GRID1: variants seen among roughly 807,000 people sequenced by gnomAD.
GRID1 encodes the protein glutamate ionotropic receptor delta type subunit 1.
Under a neutral mutation model 98.0 loss-of-function variants are expected in GRID1, and 28 were observed. The ratio of observed to expected loss-of-function variants is 0.29; its 90% CI spans 0.21 to 0.39. The LOEUF is 0.39. Ranked by LOEUF, GRID1 falls within the 10% of genes least tolerant of loss-of-function variation. GRID1 has a pLI of 1.00. For synonymous variants in GRID1, 553 were observed against 538.5 expected (o/e 1.03, Z -0.37); for missense variants, 1,111 against 1,340.5 (o/e 0.83, Z 2.67).
intron 8 of GRID1, among the ~76,000 whole-genome samples, chr10:85,802,449 G>T (rs1842585229): frequency 6.6e-6 from 1 of 152,046 alleles, no homozygotes. Context: ...TTTGCCTATA[G>T]AAAACAGGAG....
At chr10:85,830,744 A>G (rs1484857276) in intron 8 of GRID1, among the ~76,000 whole-genome samples, 1 of 152,164 alleles carries the variant, frequency 6.6e-6, no homozygotes, top group Non-Finnish European at 1.5e-5. Flanking sequence ...AAAAAATGCA[A>G]ATCAAAACTA....
intron 4 of GRID1, among the ~76,000 whole-genome samples, chr10:85,988,436 A>C (rs1263314293): frequency 6.6e-6 from 1 of 152,244 alleles, no homozygotes; most frequent in Admixed American, 6.5e-5. Flanking sequence ...AACTACTGGC[A>C]GAGGCTCTGT....
intron 4 of GRID1, among the ~76,000 whole-genome samples, chr10:86,096,792 C>T (rs1356110174): frequency 6.6e-6 from 1 of 152,220 alleles, no homozygotes; most frequent in African/African-American, 2.4e-5. Context: ...CCTTGCAGAG[C>T]TGGGACAACA....
At chr10:86,235,199 C>T (rs1846518601) in intron 2 of GRID1, among the ~76,000 whole-genome samples, 1 of 152,212 alleles carries the variant, frequency 6.6e-6, no homozygotes, top group Admixed American at 6.5e-5. Flanking sequence ...CCACCCACCA[C>T]CAAATGCAAC....
Position 86,348,385 on chromosome 10 carries a change from T to A in GRID1, c.235+15556A>T, listed in dbSNP as rs574539090. Among the ~76,000 whole-genome samples the A allele has an allele frequency of 9.2e-5, 14 of 152,282 alleles. No homozygotes were observed. The South Asian group carries it at 2.9e-3, about 32-fold the overall frequency. ...AGCAGAGCGGCCAGGAAAGGCCTCC[T>A]GAAGAGCGTACAGAACTGAGACTGG... On this transcript the variant is annotated intron_variant, in intron 2 of 15. Transcript: ENST00000327946.
At chr10:85,909,551 T>C (rs1841508208) in intron 5 of GRID1, among the ~76,000 whole-genome samples, 1 of 152,186 alleles carries the variant, frequency 6.6e-6, no homozygotes, top group Non-Finnish European at 1.5e-5. Flanking sequence ...CATGAACAAA[T>C]AAATATTCCT....
At chr10:85,961,594 T>C (rs1842268113) in intron 4 of GRID1, among the ~76,000 whole-genome samples, 1 of 151,000 alleles carries the variant, frequency 6.6e-6, no homozygotes, top group Non-Finnish European at 1.5e-5. Context: ...TTACCTTCTC[T>C]CCCTCCTTCT....
chr10:85,796,508 T>C (rs183856927), intron 8 of GRID1, among the ~76,000 whole-genome samples: 39 of 152,194 alleles, frequency 2.6e-4, no homozygotes, highest in African/African-American at 8.9e-4. Flanking sequence ...AGAAGTGCAT[T>C]CCGGACTAAG....
At chr10:86,103,855 C>T (rs1471669012) in intron 4 of GRID1, among the ~76,000 whole-genome samples, 3 of 152,176 alleles carry the variant, frequency 2.0e-5, no homozygotes, top group African/African-American at 7.2e-5. Context: ...GGGCTGAACC[C>T]TGCACATGGG....
At chr10:86,312,581 T>C (rs557202207) in intron 2 of GRID1, among the ~76,000 whole-genome samples, 2 of 152,364 alleles carry the variant, frequency 1.3e-5, no homozygotes, top group East Asian at 1.9e-4. Flanking sequence ...GTGGGTGCCA[T>C]GGAAGGAAGG....
At chr10:85,739,070 A>G (rs1841914508) in intron 8 of GRID1, among the ~76,000 whole-genome samples, 1 of 152,182 alleles carries the variant, frequency 6.6e-6, no homozygotes, top group Non-Finnish European at 1.5e-5. Context: ...ATCATTATGT[A>G]TAAAATCATT....
chr10:86,237,913 C>T (rs1264078934), intron 2 of GRID1, among the ~76,000 whole-genome samples: 1 of 152,074 alleles, frequency 6.6e-6, no homozygotes, highest in Non-Finnish European at 1.5e-5. Flanking sequence ...AATTTGAGAA[C>T]CGACGAATAC....
chr10:85,650,085 A>G (rs1294828646), intron 12 of GRID1: 1 of 152,216 alleles, frequency 6.6e-6, no homozygotes, highest in Non-Finnish European at 1.5e-5. Flanking sequence ...GGGCCCAACT[A>G]TTCATCCACC....
Position 85,619,855 on chromosome 10 carries a change from G to A in GRID1, c.2360+12C>T. The A allele has an allele frequency of 6.2e-7, 1 of 1,611,212 alleles. No homozygotes were observed. The highest frequency in any genetic ancestry group is 8.5e-7 in the Non-Finnish European group (1 of 1,177,522). Reference sequence around the variant, plus strand: ...CTGAGGCAGCGGTAGTTACCTTGCTGCCCAAGCCTACCTCTGGGAGAAGAG... The same window carrying A: ...CTGAGGCAGCGGTAGTTACCTTGCTACCCAAGCCTACCTCTGGGAGAAGAG... On this transcript the variant is annotated intron_variant, in intron 14 of 15. Coordinates refer to ENST00000327946, the MANE Select transcript of GRID1 (RefSeq NM_017551.3).
At chr10:86,118,007 T>C (rs1033118201) in intron 4 of GRID1, among the ~76,000 whole-genome samples, 1 of 152,246 alleles carries the variant, frequency 6.6e-6, no homozygotes, top group Admixed American at 6.5e-5. Context: ...TGCACACGCA[T>C]GTTTATAGCA....
rs902616139 is a variant in GRID1, at chr10:85,916,699, C to A, written c.727-460G>T. 6.6e-5 allele frequency among the ~76,000 whole-genome samples: 10 copies of A among 152,220 alleles called. No individual in the cohort carries two copies. The highest frequency in any genetic ancestry group is 1.0e-4 in the Non-Finnish European group (7 of 68,042). On this transcript the variant is annotated intron_variant, in intron 4 of 15. Transcript: ENST00000327946. This position sits in a 1 kb window ranked among gnomAD's most constrained non-coding sequence, Gnocchi z 4.0. ...CATTCAGGAAGACAGCAGCTCACAG[C>A]AGCTCTGGGGCTCCGAGTTTCCTTC...
chr10:85,637,159 A>T (rs1300776417), intron 13 of GRID1, among the ~76,000 whole-genome samples: 2 of 152,248 alleles, frequency 1.3e-5, no homozygotes, highest in African/African-American at 2.4e-5. Context: ...TTTTTATAGC[A>T]TTATAATTAT....
intron 5 of GRID1, among the ~76,000 whole-genome samples, chr10:85,884,650 G>T (rs1483639333): frequency 2.0e-5 from 3 of 152,024 alleles, no homozygotes; most frequent in African/African-American, 2.4e-5. Flanking sequence ...AATCTAATAG[G>T]TTCCACCCAT....
chr10:85,995,907 T>C (rs1232619423), intron 4 of GRID1, among the ~76,000 whole-genome samples: 1 of 152,198 alleles, frequency 6.6e-6, no homozygotes, highest in Non-Finnish European at 1.5e-5. Context: ...CATACGTGGA[T>C]AGGATTCTAA....
Sources: gnomAD v4.1 joint callset for allele counts (sites outside exome capture counted in the v4.1 genomes callset) on GRCh38, gnomAD v4.1.1 for gene constraint, Gnocchi (gnomAD v3.1) non-coding constraint, MANE v1.5 for transcripts, NCBI Gene and HGNC (gene_info 2026-07-23, HGNC 2026-07-21) for gene names.